AFG2A: variants seen among roughly 807,000 people sequenced by gnomAD.
AFG2A encodes ATPase family gene 2 protein homolog A.
At chr4:122,979,495 T>G in the AFG2A span, 2 of 1,302,774 alleles carry the variant, frequency 1.5e-6, no homozygotes, top group South Asian at 3.0e-5. Context: ...AAAATATTTT[T>G]CTTAATTGAA....
chr4:123,273,268 A>G, the AFG2A span, among the ~76,000 whole-genome samples: 1 of 152,184 alleles, frequency 6.6e-6, no homozygotes, highest in Non-Finnish European at 1.5e-5. Flanking sequence ...AGTATAATAT[A>G]TAGAAAGTCT....
chr4:123,082,523 CTTTTT>C, the AFG2A span, among the ~76,000 whole-genome samples: 3 of 141,308 alleles, frequency 2.1e-5, no homozygotes, highest in East Asian at 4.1e-4. Context: ...TCTCTTTTTT[CTTTTT>C]TTTTTTTTTT....
chr4:123,042,192 G>T, the AFG2A span, among the ~76,000 whole-genome samples: 1 of 152,164 alleles, frequency 6.6e-6, no homozygotes, highest in African/African-American at 2.4e-5. Flanking sequence ...AGACTGGGTG[G>T]TTTAAACAAC....
the AFG2A span, among the ~76,000 whole-genome samples, chr4:123,277,656 G>A: frequency 6.6e-6 from 1 of 152,054 alleles, no homozygotes; most frequent in African/African-American, 2.4e-5. Context: ...TTCCTTCCAT[G>A]CCTGGTTTAT....
At chr4:123,227,283 G>A in the AFG2A span, among the ~76,000 whole-genome samples, 1 of 152,066 alleles carries the variant, frequency 6.6e-6, no homozygotes, top group Non-Finnish European at 1.5e-5. Context: ...TTCTTCTCTA[G>A]TTCTTTTAAT....
At chr4:123,232,989 G>A in the AFG2A span, among the ~76,000 whole-genome samples, 9 of 151,944 alleles carry the variant, frequency 5.9e-5, no homozygotes, top group Non-Finnish European at 1.3e-4. Flanking sequence ...ACACCAAACC[G>A]ACCAACAGCA....
the AFG2A span, among the ~76,000 whole-genome samples, chr4:122,981,194 G>A: frequency 6.6e-6 from 1 of 152,064 alleles, no homozygotes; most frequent in Admixed American, 6.5e-5. Flanking sequence ...GAGAAGACTG[G>A]CCAGTTTCAT....
the AFG2A span, among the ~76,000 whole-genome samples, chr4:123,187,015 A>G: frequency 1.3e-5 from 2 of 152,168 alleles, no homozygotes; most frequent in East Asian, 3.8e-4. Context: ...AGAAAAGAGG[A>G]AAGAGGATGA....
At chr4:122,927,824 A>C in the AFG2A span, 1 of 1,584,538 alleles carries the variant, frequency 6.3e-7, no homozygotes, top group Non-Finnish European at 8.6e-7. Context: ...CAAGAATCTA[A>C]ACTCTGAAAT....
At chr4:122,945,755 T>C in the AFG2A span, among the ~76,000 whole-genome samples, 1 of 152,222 alleles carries the variant, frequency 6.6e-6, no homozygotes. Context: ...CTGGGAGCTG[T>C]AGACCGGAGC....
chr4:122,939,374 G>A, the AFG2A span, among the ~76,000 whole-genome samples: 29 of 152,126 alleles, frequency 1.9e-4, no homozygotes, highest in African/African-American at 6.3e-4. Flanking sequence ...GAGCCACCGC[G>A]CCCAGCCGGG....
chr4:123,255,780 A>G, the AFG2A span, among the ~76,000 whole-genome samples: 1 of 131,026 alleles, frequency 7.6e-6, no homozygotes, highest in Non-Finnish European at 1.6e-5. Context: ...TCAGCATCCC[A>G]AAGTGCTGGG....
chr4:123,211,901 A>G, the AFG2A span, among the ~76,000 whole-genome samples: 1 of 152,184 alleles, frequency 6.6e-6, no homozygotes, highest in African/African-American at 2.4e-5. Context: ...CCATTCTGCT[A>G]TATTTTTAAT....
At chr4:123,057,786 A>G in the AFG2A span, among the ~76,000 whole-genome samples, 399 of 149,432 alleles carry the variant, frequency 2.7e-3, 2 homozygotes, top group African/African-American at 9.2e-3. Flanking sequence ...AGGATTATCT[A>G]TGATGTCATT....
At chr4:123,094,398 G>A in the AFG2A span, among the ~76,000 whole-genome samples, 1 of 152,104 alleles carries the variant, frequency 6.6e-6, no homozygotes, top group Non-Finnish European at 1.5e-5. Flanking sequence ...GAACGTGTAA[G>A]TCAAAAGACT....
chr4:123,111,476 T>G, the AFG2A span, among the ~76,000 whole-genome samples: 1 of 152,204 alleles, frequency 6.6e-6, no homozygotes, highest in Non-Finnish European at 1.5e-5. Flanking sequence ...TGGTAGCCTA[T>G]GAAAAAGAGC....
chr4:123,093,587 G>A, the AFG2A span, among the ~76,000 whole-genome samples: 4 of 152,200 alleles, frequency 2.6e-5, no homozygotes, highest in South Asian at 6.2e-4. Flanking sequence ...CAGAAAACAA[G>A]TCTTGTTGGT....
At chr4:123,232,816 A>C in the AFG2A span, among the ~76,000 whole-genome samples, 20 of 152,134 alleles carry the variant, frequency 1.3e-4, no homozygotes, top group South Asian at 4.1e-3. Flanking sequence ...TTAGATAAGA[A>C]GAATTGCTGG....
At chr4:123,015,610 C>G in the AFG2A span, among the ~76,000 whole-genome samples, 337 of 150,934 alleles carry the variant, frequency 2.2e-3, 3 homozygotes, top group African/African-American at 7.8e-3. Flanking sequence ...GGCAACCATC[C>G]GATTTCTCAA....
Sources: allele counts gnomAD v4.1 joint callset (sites outside exome capture counted in the v4.1 genomes callset), GRCh38; gene constraint gnomAD v4.1.1; transcripts MANE v1.5; gene names NCBI Gene and HGNC (gene_info 2026-07-23, HGNC 2026-07-21).